CFAP54: variants seen among roughly 807,000 people sequenced by gnomAD.
The protein encoded by CFAP54 is cilia- and flagella-associated protein 54.
Under a neutral mutation model 370.4 loss-of-function variants are expected in CFAP54, and 290 were observed. The ratio of observed to expected loss-of-function variants is 0.78; its 90% confidence interval spans 0.71 to 0.86. The LOEUF is 0.86. Ranked by LOEUF, CFAP54 falls within the 40% of genes least tolerant of loss-of-function variation. The pLI, the probability that CFAP54 is intolerant of heterozygous loss-of-function variation, is 0.00. For missense variants in CFAP54, 3,399 were observed against 3,528.7 expected (o/e 0.96, Z 0.93); for synonymous variants, 1,206 against 1,236.5 (o/e 0.98, Z 0.52).
At chr12:96,565,705 GA>G (rs1188485839) in intron 19 of CFAP54, among the ~76,000 whole-genome samples, 3 of 152,288 alleles carry the variant, frequency 2.0e-5, no homozygotes, top group South Asian at 4.1e-4. Flanking sequence ...CATCTTCAAT[GA>G]TGGGTGGGCT....
chr12:96,786,968 A>G (rs2136696435), intron 62 of CFAP54, 70 bp downstream of exon 62: 1 of 1,128,362 alleles, frequency 8.9e-7, no homozygotes, highest in Middle Eastern at 2.6e-4. Flanking sequence ...TCAGAAGGAA[A>G]CACATTAGCT....
At chr12:96,763,509 T>A (rs1008546223) in intron 58 of CFAP54, among the ~76,000 whole-genome samples, 7 of 152,308 alleles carry the variant, frequency 4.6e-5, no homozygotes, top group African/African-American at 1.4e-4. Context: ...ATGGGCATAG[T>A]GACACATGCC....
chr12:96,824,066 A>C (rs1959060852), intron 65 of CFAP54, among the ~76,000 whole-genome samples: 1 of 152,182 alleles, frequency 6.6e-6, no homozygotes, highest in Admixed American at 6.5e-5. Flanking sequence ...GAAATAGCAG[A>C]TGTTCTTTTT....
intron 66 of CFAP54, among the ~76,000 whole-genome samples, chr12:96,833,528 G>A (rs1959177265): frequency 6.6e-6 from 1 of 151,926 alleles, no homozygotes; most frequent in East Asian, 1.9e-4. Flanking sequence ...GTGTGTGTGT[G>A]TGTGTGTGTG....
At chr12:96,568,438 A>G (rs1033173795) in intron 19 of CFAP54, among the ~76,000 whole-genome samples, 1 of 151,972 alleles carries the variant, frequency 6.6e-6, no homozygotes, top group South Asian at 2.1e-4. Context: ...GAAATCTTCT[A>G]TAGCCATGTC....
chr12:96,497,002 A>G (rs1954961985), intron 1 of CFAP54, among the ~76,000 whole-genome samples: 1 of 152,224 alleles, frequency 6.6e-6, no homozygotes, highest in Non-Finnish European at 1.5e-5. Context: ...ATAAGAAAAA[A>G]TAAAACAAGA....
At chr12:96,699,640 A>G (rs538799294) in intron 45 of CFAP54, among the ~76,000 whole-genome samples, 1 of 151,354 alleles carries the variant, frequency 6.6e-6, no homozygotes, top group East Asian at 1.9e-4. Context: ...AATGGGAACA[A>G]AAAAAATCAT....
chr12:96,501,221 C>T (rs1955022296), intron 2 of CFAP54: 1 of 248,450 alleles, frequency 4.0e-6, no homozygotes, highest in South Asian at 6.0e-5. Flanking sequence ...GGTAGGCACA[C>T]AACAGGAAAT....
chr12:96,861,655 ATTAAC>A (rs1399650922), intron 67 of CFAP54, among the ~76,000 whole-genome samples: 1 of 152,222 alleles, frequency 6.6e-6, no homozygotes, highest in African/African-American at 2.4e-5. Context: ...ACTTTGGAGA[ATTAAC>A]TTAAATTCTG....
At chr12:96,826,527 TTATATATTA>T (rs1292387277) in intron 65 of CFAP54, among the ~76,000 whole-genome samples, 7 of 72,194 alleles carry the variant, frequency 9.7e-5, no homozygotes, top group African/African-American at 2.5e-4. Flanking sequence ...ATATAATATA[TTATATATTA>T]TATATATAAT....
At chr12:96,739,165 A>G (rs968843782) in intron 50 of CFAP54, among the ~76,000 whole-genome samples, 1 of 151,950 alleles carries the variant, frequency 6.6e-6, no homozygotes, top group African/African-American at 2.4e-5. Flanking sequence ...TTCGGCCTTC[A>G]TCCAGTTTTT....
At chr12:96,801,727 A>C (rs1958822042) in intron 63 of CFAP54, among the ~76,000 whole-genome samples, 1 of 152,184 alleles carries the variant, frequency 6.6e-6, no homozygotes, top group Non-Finnish European at 1.5e-5. Context: ...GGGAAGGCTC[A>C]AGGAATACAA....
At chr12:96,545,165 G>A (rs1172305798) in intron 14 of CFAP54, among the ~76,000 whole-genome samples, 3 of 151,892 alleles carry the variant, frequency 2.0e-5, no homozygotes, top group Admixed American at 1.3e-4. Context: ...CACCCTCCTC[G>A]GCCTCCCAAA....
chr12:96,855,156 C>T (rs1024097475), intron 66 of CFAP54, among the ~76,000 whole-genome samples: 3 of 152,132 alleles, frequency 2.0e-5, no homozygotes, highest in African/African-American at 7.2e-5. Flanking sequence ...ATTACGAGAA[C>T]AGTATGATGG....
intron 9 of CFAP54, among the ~76,000 whole-genome samples, chr12:96,530,012 G>A (rs961698738): frequency 2.6e-5 from 4 of 152,012 alleles, no homozygotes; most frequent in Non-Finnish European, 2.9e-5. Flanking sequence ...TTGTTTATAC[G>A]AAGTAGAAAT....
intron 32 of CFAP54, among the ~76,000 whole-genome samples, chr12:96,631,966 A>G (rs939391720): frequency 1.3e-5 from 2 of 151,776 alleles, no homozygotes; most frequent in African/African-American, 4.8e-5. Context: ...ATTTGTATCA[A>G]TGTTGTGAAA....
intron 39 of CFAP54, among the ~76,000 whole-genome samples, chr12:96,665,258 A>G (rs752196488): frequency 7.2e-5 from 11 of 151,890 alleles, no homozygotes; most frequent in Admixed American, 1.3e-4. Flanking sequence ...GTCTCCCACC[A>G]TAGGGAGATA....
chr12:96,628,293 T>A (rs1205113930), intron 30 of CFAP54, among the ~76,000 whole-genome samples: 1 of 152,306 alleles, frequency 6.6e-6, no homozygotes, highest in Non-Finnish European at 1.5e-5. Context: ...TTTATCAAAA[T>A]GAAAAGCAGT....
At position 96,784,791 on chromosome 12, in the gene CFAP54, G is replaced by T; in HGVS notation, c.8356G>T (p.Gly2786Cys). 6.5e-7 allele frequency: 1 copy of T among 1,534,754 alleles called. No homozygotes were observed. The highest frequency in any genetic ancestry group is 8.7e-7 in the Non-Finnish European group (1 of 1,146,070). Reference sequence around the variant, plus strand: ...TGATGATGTGTGTGACAGCGCAGATGGTAGAAAAAAGACTCAGACCAAAGT... The same window carrying T: ...TGATGATGTGTGTGACAGCGCAGATTGTAGAAAAAAGACTCAGACCAAAGT... ...QNDDVCDSAD[G>C]RKKTQTKVDI... Residue 2786 changes from glycine (G) to cysteine (C), a missense_variant, in exon 61 of 68, where the codon GGT becomes TGT. By Grantham distance (159) the Gly-to-Cys change is radical (BLOSUM62 -3). This residue lies in a region of CFAP54 where 2,796 missense variants were observed against 2,869.7 expected (regional missense o/e 0.97). Coordinates refer to ENST00000524981, the MANE Select transcript of CFAP54 (RefSeq NM_001306084.2).
Sources: allele counts gnomAD v4.1 joint callset (sites outside exome capture counted in the v4.1 genomes callset), GRCh38; gene constraint gnomAD v4.1.1; regional missense constraint gnomAD v4.1.1; transcripts MANE v1.5; gene names NCBI Gene and HGNC (gene_info 2026-07-23, HGNC 2026-07-21).